The following TTI1 variants were observed in gnomAD, a reference collection of about 807,000 sequenced individuals.
The protein encoded by TTI1 is TELO2-interacting protein 1 homolog.
In TTI1, 52 loss-of-function variants were observed where a neutral mutation model predicts 85.4. The observed-to-expected ratio is 0.61, with a 90% confidence interval of 0.49 to 0.77. The LOEUF is 0.77. Ranked by LOEUF, TTI1 falls within the 30% of genes least tolerant of loss-of-function variation. The pLI, the probability that TTI1 is intolerant of heterozygous loss-of-function variation, is 0.00. For synonymous variants in TTI1, 512 were observed against 503.9 expected (o/e 1.02, Z -0.22); for missense variants, 1,173 against 1,296.0 (o/e 0.91, Z 1.46).
Position 38,013,774 on chromosome 20 carries a change from G to A in TTI1, c.43C>T (p.Arg15Cys), listed in dbSNP as rs1291758763. The A allele has an allele frequency of 9.3e-6, 15 of 1,613,882 alleles. No homozygotes were observed. The highest frequency in any genetic ancestry group is 4.0e-5 in the African/African-American group (3 of 74,924). ...DTPEEAFGVL[R>C]PVCVQLTKTQ... Reference sequence around the variant, plus strand: ...TTTGTGAGCTGAACACAGACTGGACGTAAGACACCAAAGGCCTCCTCAGGA... The same window carrying A: ...TTTGTGAGCTGAACACAGACTGGACATAAGACACCAAAGGCCTCCTCAGGA... Residue 15 changes from arginine to cysteine, a missense_variant, in exon 2 of 8, where the codon CGT becomes TGT. By Grantham distance (180) the Arg-to-Cys change is radical. Transcript: ENST00000373447.
rs1202601496 is a variant in TTI1, at chr20:38,013,216, G to A, written c.601C>T (p.Gln201Ter). 6.2e-7 allele frequency: 1 copy of A among 1,614,068 alleles called. No homozygotes were observed. The highest frequency in any genetic ancestry group is 8.5e-7 in the Non-Finnish European group (1 of 1,180,034). Residue 201 changes from glutamine (Q) to a stop codon, truncating the protein, a stop_gained, in exon 2 of 8, where the codon CAG becomes TAG. Coordinates refer to ENST00000373447, the MANE Select transcript of TTI1 (RefSeq NM_001303457.2). LOFTEE classifies it high-confidence loss of function. ...AAAGAGGCAAACAAATCCCCCAGCT[G>A]CTTTTGTTCAAGTTCATCCAATGAC... ...PRSLDELEQK[Q>*]LGDLFASFLP...
At chr20:37,991,527 G>A (rs143387255) in intron 7 of TTI1, among the ~76,000 whole-genome samples, 2 of 152,330 alleles carry the variant, frequency 1.3e-5, no homozygotes, top group East Asian at 3.9e-4. Context: ...AGAGAGCAGG[G>A]AAGTCAGTCT....
At chr20:38,005,911 A>T (rs2073490814) in intron 3 of TTI1, 1 of 387,220 alleles carries the variant, frequency 2.6e-6, no homozygotes, top group South Asian at 2.3e-5. Flanking sequence ...GGGGATGGAC[A>T]CTTAGTAACA....
rs373454060 is a variant in TTI1 at position 37,983,638 on chromosome 20, C to G, written c.3088G>C (p.Val1030Leu). ...TCCACCTTCATCAAGTGGAGGAAGA[C>G]GCTGTGGAGAGATGGAAAGGAGTGA... ...PVKLQEAARS[V>L]FLHLMKVDPD... Residue 1030 changes from valine to leucine, a missense_variant and splice_region_variant, in exon 8 of 8, where the codon GTC becomes CTC. Physicochemically the swap from Val to Leu is conservative, Grantham distance 32. Transcript: ENST00000373447. 2.0e-6 allele frequency: 3 copies of G among 1,513,624 alleles called. No individual in the cohort carries two copies. The highest frequency in any genetic ancestry group is 2.7e-6 in the Non-Finnish European group (3 of 1,129,298). The allele number at this position is 1,513,624 out of a possible 1,614,324, so 93.8% of individuals were successfully genotyped here.
At position 37,993,112 on chromosome 20, in the gene TTI1, CTT is replaced by C. The variant is rs756506163; in HGVS notation, c.3086+3261_3086+3262del. ...ACTAGAGGGACTTTGGGGGAGCTGG[CTT>C]TTTTTTTTTTTTTTTGCATTGCCAG... On this transcript the variant is annotated intron_variant, in intron 7 of 7. Coordinates refer to ENST00000373447, the MANE Select transcript of TTI1 (RefSeq NM_001303457.2). Among the ~76,000 whole-genome samples, 1,180 of 125,228 alleles carry C rather than the reference CTT, an allele frequency of 9.4e-3. 7 individuals carry two copies. The highest frequency in any genetic ancestry group is 0.026 in the African/African-American group (881 of 34,118). The allele number at this position is 125,228 out of a possible 152,430, so 82.2% of individuals were successfully genotyped here. A position where few individuals can be genotyped will look rare whatever the true frequency, so the allele number is the denominator to read the frequency against.
intron 7 of TTI1, among the ~76,000 whole-genome samples, chr20:37,992,846 A>G (rs898019640): frequency 1.3e-5 from 2 of 152,198 alleles, no homozygotes; most frequent in Non-Finnish European, 2.9e-5. Context: ...ACCTGGACAG[A>G]AAGGCACAGA....
Position 38,013,502 on chromosome 20 carries a change from A to G in TTI1, c.315T>C (p.Tyr105=). 6.2e-7 allele frequency: 1 copy of G among 1,614,120 alleles called. No individual in the cohort carries two copies. Among genetic ancestry groups the G allele is most frequent in the South Asian group, 1.1e-5 (1 of 91,082 alleles). Residue 105 remains tyrosine (Y), a synonymous_variant, in exon 2 of 8, where the codon TAT becomes TAC. Transcript: ENST00000373447. ...ELFSELSACL[Y]SPSSQKPAAV... ...CCGCAGGTTTTTGGGAGCTGGGTGA[A>G]TACAGACAAGCAGAGAGTTCTGAAA...
intron 1 of TTI1, among the ~76,000 whole-genome samples, chr20:38,029,325 T>C (rs112459781): frequency 2.0e-5 from 3 of 152,112 alleles, no homozygotes; most frequent in African/African-American, 7.2e-5. Context: ...GAGATGTAAA[T>C]TAATAGTACT....
chr20:38,032,616 G>A (rs2073929057), intron 1 of TTI1, among the ~76,000 whole-genome samples: 1 of 152,132 alleles, frequency 6.6e-6, no homozygotes, highest in Non-Finnish European at 1.5e-5. Flanking sequence ...GAAGAGTCTC[G>A]CTCCATCGCC....
chr20:38,024,104 T>A (rs2073805629), intron 1 of TTI1, among the ~76,000 whole-genome samples: 1 of 152,172 alleles, frequency 6.6e-6, no homozygotes, highest in Non-Finnish European at 1.5e-5. Flanking sequence ...ACAGTACATT[T>A]CTAAAAAAGG....
chr20:38,020,310 G>T (rs55637550), intron 1 of TTI1, among the ~76,000 whole-genome samples: 5 of 48,272 alleles, frequency 1.0e-4, no homozygotes, highest in East Asian at 6.1e-4. Flanking sequence ...CTACTCATAT[G>T]AAAAAAAAAA....
Position 37,983,613 on chromosome 20 carries a change from T to C in TTI1, c.3113A>G (p.Asp1038Gly). 1.3e-6 allele frequency: 2 copies of C among 1,541,474 alleles called. No homozygotes were observed. Among genetic ancestry groups the C allele is most frequent in the Non-Finnish European group, 1.8e-6 (2 of 1,142,738 alleles). Residue 1038 changes from aspartate to glycine, a missense_variant, in exon 8 of 8, where the codon GAC (aspartate) becomes GGC (glycine). Coordinates refer to ENST00000373447, the MANE Select transcript of TTI1 (RefSeq NM_001303457.2). ...RSVFLHLMKV[D>G]PDSTWFLLNE... ...CAGGAGGAACCAGGTGGAGTCTGGGTCCACCTTCATCAAGTGGAGGAAGAC... is the reference window on the plus strand; with the variant it reads ...CAGGAGGAACCAGGTGGAGTCTGGGCCCACCTTCATCAAGTGGAGGAAGAC...
Position 38,013,684 on chromosome 20 carries a change from G to A in TTI1, c.133C>T (p.Leu45Phe). Reference protein sequence around the residue: ...TRLQAVSDSALQELQQYILFP... With the variant: ...TRLQAVSDSAFQELQQYILFP... Reference sequence around the variant, plus strand: ...AGGATGTACTGCTGAAGTTCCTGAAGGGCACTGTCACTCACAGCTTGTAGT... The same window carrying A: ...AGGATGTACTGCTGAAGTTCCTGAAAGGCACTGTCACTCACAGCTTGTAGT... The change falls in exon 2 of 8, where the codon CTT becomes TTT. Residue 45 changes from leucine to phenylalanine, a missense_variant. Transcript: ENST00000373447. 1 of 1,614,204 alleles carries A rather than the reference G, an allele frequency of 6.2e-7. No homozygotes were observed. Among genetic ancestry groups the A allele is most frequent in the Non-Finnish European group, 8.5e-7 (1 of 1,180,040 alleles).
chr20:38,031,840 G>A lies in TTI1; in HGVS notation c.-42+1564C>T, dbSNP rs191743810. ...ACTTAACCATGCTTTACATTTTCTCGTCTATCAAATAGTGATTGTAATAAT... is the reference window on the plus strand; with the variant it reads ...ACTTAACCATGCTTTACATTTTCTCATCTATCAAATAGTGATTGTAATAAT... On this transcript the variant is annotated intron_variant, in intron 1 of 7. Coordinates refer to ENST00000373447, the MANE Select transcript of TTI1 (RefSeq NM_001303457.2). 3.1e-3 allele frequency among the ~76,000 whole-genome samples: 475 copies of A among 152,222 alleles called. 1 individual carries two copies. The highest frequency in any genetic ancestry group is 0.011 in the African/African-American group (449 of 41,522).
chr20:38,031,728 G>A (rs2073909912), intron 1 of TTI1, among the ~76,000 whole-genome samples: 2 of 152,178 alleles, frequency 1.3e-5, no homozygotes, highest in South Asian at 4.1e-4. Context: ...ATTGGTTCAG[G>A]AGGCAAGAAT....
At chr20:38,011,481 C>G in intron 2 of TTI1, 34 bp downstream of exon 2, 1 of 1,602,280 alleles carries the variant, frequency 6.2e-7, no homozygotes. Flanking sequence ...TCCTGTCCCC[C>G]ACACATCAGC....
At chr20:37,998,009 A>C (rs2073367495) in intron 5 of TTI1, among the ~76,000 whole-genome samples, 1 of 152,192 alleles carries the variant, frequency 6.6e-6, no homozygotes, top group Non-Finnish European at 1.5e-5. Flanking sequence ...GGCTCACTGC[A>C]ACCTCTGAAG....
intron 7 of TTI1, among the ~76,000 whole-genome samples, chr20:37,994,174 C>G (rs770334050): frequency 1.3e-5 from 2 of 152,180 alleles, no homozygotes; most frequent in African/African-American, 2.4e-5. Context: ...CACTCTGTCA[C>G]CTAGGCTGGA....
chr20:37,999,236 A>T lies in TTI1; in HGVS notation c.2745T>A (p.Val915=). The part of the protein sequence containing the change: ...PLAHQAWPSL[V]HRLTRDAPLA... ...GGGGGGCGTCCCGTGTGAGTCGGTG[A>T]ACGAGCGAGGGCCAGGCCTGATGAG... The change falls in exon 5 of 8, where the codon GTT becomes GTA. Residue 915 remains valine (V), a synonymous_variant. Coordinates refer to ENST00000373447, the MANE Select transcript of TTI1 (RefSeq NM_001303457.2). 6.6e-7 allele frequency: 1 copy of T among 1,521,802 alleles called. No homozygotes were observed. Among genetic ancestry groups the T allele is most frequent in the Non-Finnish European group, 8.8e-7 (1 of 1,132,302 alleles). 94.3% of individuals were successfully genotyped at this position (1,521,802 alleles called of 1,614,324 possible).
Sources: allele counts gnomAD v4.1 joint callset (sites outside exome capture counted in the v4.1 genomes callset), GRCh38; gene constraint gnomAD v4.1.1; transcripts MANE v1.5; gene names NCBI Gene and HGNC (gene_info 2026-07-23, HGNC 2026-07-21).